ADAMTS13: variants seen among roughly 807,000 people sequenced by gnomAD.
The protein encoded by ADAMTS13 is A disintegrin and metalloproteinase with thrombospondin motifs 13.
In ADAMTS13, 110 loss-of-function variants were observed where a neutral mutation model predicts 155.1. The ratio of observed to expected loss-of-function variants is 0.71; its 90% confidence interval spans 0.61 to 0.83. The LOEUF is 0.83. ADAMTS13 is among the 40% of genes least tolerant of loss of function. The pLI is 0.00. For missense variants in ADAMTS13, 1,707 were observed against 1,891.7 expected (o/e 0.90, Z 1.81); for synonymous variants, 758 against 756.4 (o/e 1.00, Z -0.03).
chr9:133,437,702 C>T (rs989630514), intron 12 of ADAMTS13, 47 bp from the exon 13 acceptor site: 9 of 1,612,168 alleles, frequency 5.6e-6, no homozygotes, highest in Non-Finnish European at 7.6e-6. Context: ...GGGGGACTTG[C>T]CCCTCCTGCT....
At position 133,425,914 on chromosome 9, in the gene ADAMTS13, G is replaced by C; in HGVS notation, c.415-24G>C. 1.9e-6 allele frequency: 3 copies of C among 1,612,850 alleles called. No individual in the cohort carries two copies. The highest frequency in any genetic ancestry group is 2.5e-6 in the Non-Finnish European group (3 of 1,179,994). The stretch of plus-strand genomic sequence containing the variant: ...CGTGCCTGGTTGGGGTGTCCTAAAT[G>C]CAGGCTTTGCTGTGGGTCCGCAGGG... On this transcript the variant is annotated intron_variant, in intron 4 of 28. Coordinates refer to ENST00000355699, the MANE Select transcript of ADAMTS13 (RefSeq NM_139027.6). This position sits in a 1 kb window ranked among gnomAD's most constrained non-coding sequence, Gnocchi z 4.6.
In ADAMTS13 at chr9:133,442,551, G is replaced by T. The variant is rs781964102; in HGVS notation, c.2104+17G>T. 9.9e-6 allele frequency: 16 copies of T among 1,613,356 alleles called. No homozygotes were observed. The highest frequency in any genetic ancestry group is 1.3e-5 in the African/African-American group (1 of 74,934). ...GTGGGGCAGGTGAGACCTGGGGAAG[G>T]CTCATCCACAGCACGGCTTGCCCCT... is the stretch of plus-strand genomic sequence containing the variant. On this transcript the variant is annotated intron_variant, in intron 17 of 28. Transcript: ENST00000355699.
rs782659481 is a variant in ADAMTS13 at position 133,444,971 on chromosome 9, T to A, written c.2529T>A (p.Thr843=). The A allele has an allele frequency of 1.2e-6, 2 of 1,613,518 alleles. No homozygotes were observed. The highest frequency in any genetic ancestry group is 1.7e-6 in the Non-Finnish European group (2 of 1,180,026). ...CAGATGGCCTGGAGGCTCCAGTGACTGAGGGGCCTGGCTCCGTAGATGAGA... is the reference window on the plus strand; with the variant it reads ...CAGATGGCCTGGAGGCTCCAGTGACAGAGGGGCCTGGCTCCGTAGATGAGA... ...PGADGLEAPV[T]EGPGSVDEKL... The change falls in exon 20 of 29, where the codon ACT becomes ACA. Residue 843 remains threonine, a synonymous_variant. Transcript: ENST00000355699.
Position 133,445,730 on chromosome 9 carries a change from C to T in ADAMTS13, c.2642C>T (p.Pro881Leu). 6.2e-7 allele frequency: 1 copy of T among 1,612,686 alleles called. No individual in the cohort carries two copies. Among genetic ancestry groups the T allele is most frequent in the East Asian group, 2.2e-5 (1 of 44,846 alleles). The change falls in exon 21 of 29, where the codon CCC (proline) becomes CTC (leucine). Residue 881 changes from proline to leucine, a missense_variant. Around this residue, in one of 3 missense-constraint regions of ADAMTS13, gnomAD observed 961 missense variants for 1,107.9 expected, o/e 0.87. Coordinates refer to ENST00000355699, the MANE Select transcript of ADAMTS13 (RefSeq NM_139027.6). The surrounding 1 kb of genome is among the most constrained non-coding windows in gnomAD (Gnocchi z 5.0). ...GCCACCTCTGCAGGGGAGAAGGCTC[C>T]CTCCCCATGGGGCAGCATCAGGACG... The part of the protein sequence containing the change: ...LDATSAGEKA[P>L]SPWGSIRTGA...
chr9:133,424,678 C>T lies in ADAMTS13; in HGVS notation c.330+200C>T, dbSNP rs1032611252. On this transcript the variant is annotated intron_variant, in intron 3 of 28. Transcript: ENST00000355699. The surrounding 1 kb of genome is among the most constrained non-coding windows in gnomAD (Gnocchi z 4.3). ...CTCTCTAGGCTCCATGGCACATGCA[C>T]ACCCTGCAGCCTCTCACTACTCAAG... Among the ~76,000 whole-genome samples, 2 of 152,088 alleles carry T rather than the reference C, an allele frequency of 1.3e-5. No individual in the cohort carries two copies. The highest frequency in any genetic ancestry group is 2.4e-5 in the African/African-American group (1 of 41,354).
rs903607789 is a variant in ADAMTS13, at chr9:133,455,119, A to T, written c.3250-166A>T. 3.9e-5 allele frequency among the ~76,000 whole-genome samples: 6 copies of T among 152,250 alleles called. No homozygotes were observed. The East Asian group carries it at 1.2e-3, about 29-fold the overall frequency. ...TCCTCCCACCTATATGACCCATGCA[A>T]GGTGCCCTCTCTGAGCCTCAGTTTT... On this transcript the variant is annotated intron_variant, in intron 24 of 28. Coordinates refer to ENST00000355699, the MANE Select transcript of ADAMTS13 (RefSeq NM_139027.6).
upstream of ADAMTS13, among the ~76,000 whole-genome samples, chr9:133,417,306 C>A (rs1250232613): frequency 7.9e-5 from 12 of 152,210 alleles, no homozygotes; most frequent in Admixed American, 7.9e-4. Context: ...CGTGAGGCCC[C>A]GCGCCCGGCC....
chr9:133,417,012 T>C (rs1554781720), upstream of ADAMTS13, among the ~76,000 whole-genome samples: 1 of 152,206 alleles, frequency 6.6e-6, no homozygotes, highest in Non-Finnish European at 1.5e-5. Flanking sequence ...CAGTGTGTTC[T>C]TTCGTTGTTG....
intron 1 of ADAMTS13, among the ~76,000 whole-genome samples, chr9:133,416,369 T>C (rs1355754914): frequency 6.6e-6 from 1 of 152,148 alleles, no homozygotes; most frequent in Admixed American, 6.5e-5. Flanking sequence ...ATTTCTTTTT[T>C]AAAAAAACTA....
chr9:133,452,449 T>A (rs138442332), intron 23 of ADAMTS13, among the ~76,000 whole-genome samples: 1 of 152,238 alleles, frequency 6.6e-6, no homozygotes, highest in Non-Finnish European at 1.5e-5. Flanking sequence ...ATTTAACATC[T>A]GTGTCACTAG....
intron 23 of ADAMTS13, among the ~76,000 whole-genome samples, chr9:133,452,492 C>T (rs771870293): frequency 4.6e-5 from 7 of 152,098 alleles, no homozygotes; most frequent in African/African-American, 9.7e-5. Flanking sequence ...TGCTAAAGTC[C>T]CTTGGCTGTG....
At chr9:133,432,982 G>A (rs1197092373) in intron 9 of ADAMTS13, among the ~76,000 whole-genome samples, 4 of 97,394 alleles carry the variant, frequency 4.1e-5, no homozygotes, top group Admixed American at 1.8e-4. Flanking sequence ...GGGGTGTCTC[G>A]GGGGGGATCC....
At chr9:133,432,829 C>G in intron 9 of ADAMTS13, 137 bp downstream of exon 9, 1 of 877,158 alleles carries the variant, frequency 1.1e-6, no homozygotes, top group Non-Finnish European at 1.8e-6. Context: ...TGGGGACTGT[C>G]CTTTGGGTTG....
At chr9:133,447,336 G>A (rs1842135239) in intron 21 of ADAMTS13, among the ~76,000 whole-genome samples, 1 of 151,690 alleles carries the variant, frequency 6.6e-6, no homozygotes, top group African/African-American at 2.4e-5. Context: ...TCTGTCACCA[G>A]GTTGGAGTGT....
chr9:133,431,899 C>G (rs1840795985), intron 8 of ADAMTS13, among the ~76,000 whole-genome samples: 1 of 152,236 alleles, frequency 6.6e-6, no homozygotes, highest in African/African-American at 2.4e-5. Flanking sequence ...CGTGATTTGC[C>G]CGCCTCGGCC....
chr9:133,426,501 A>T lies in ADAMTS13; in HGVS notation c.686+156A>T, dbSNP rs28757785. On this transcript the variant is annotated intron_variant, in intron 6 of 28. Transcript: ENST00000355699. ...CAGACTCAGGTGTGAGGACAGGGGA[A>T]CCTGATACTGTTTGATTAAAAGAAC... Among the ~76,000 whole-genome samples, 39,143 of 152,188 alleles carry T rather than the reference A, an allele frequency of 0.26. 6,335 individuals carry two copies. Among genetic ancestry groups the T allele is most frequent in the South Asian group, 0.4 (1,917 of 4,826 alleles).
At chr9:133,423,791 G>A (rs1362662209) in intron 2 of ADAMTS13, among the ~76,000 whole-genome samples, 1 of 152,248 alleles carries the variant, frequency 6.6e-6, no homozygotes, top group Admixed American at 6.5e-5. Context: ...GGCCACGCTG[G>A]GGGCTGGATG....
chr9:133,416,387 C>A (rs1839602767), intron 1 of ADAMTS13, among the ~76,000 whole-genome samples: 1 of 152,132 alleles, frequency 6.6e-6, no homozygotes, highest in Non-Finnish European at 1.5e-5. Flanking sequence ...CTACTTTTTA[C>A]TTTTATTTAG....
At position 133,445,776 on chromosome 9, in the gene ADAMTS13, G is replaced by T; in HGVS notation, c.2688G>T (p.Val896=). Residue 896 remains valine (V), a synonymous_variant, in exon 21 of 29, where the codon GTG becomes GTT. Coordinates refer to ENST00000355699, the MANE Select transcript of ADAMTS13 (RefSeq NM_139027.6). This position sits in a 1 kb window ranked among gnomAD's most constrained non-coding sequence, Gnocchi z 5.0. ...SIRTGAQAAH[V]WTPAAGSCSV... ...GGACGGGGGCTCAAGCTGCACACGT[G>T]TGGACCCCTGCGGCAGGGTCGTGCT... The T allele has an allele frequency of 1.2e-6, 2 of 1,602,270 alleles. No homozygotes were observed. Among genetic ancestry groups the T allele is most frequent in the Non-Finnish European group, 1.7e-6 (2 of 1,171,394 alleles).
Sources: allele counts gnomAD v4.1 joint callset (sites outside exome capture counted in the v4.1 genomes callset), GRCh38; gene constraint gnomAD v4.1.1; regional missense constraint gnomAD v4.1.1; non-coding constraint Gnocchi (gnomAD v3.1); transcripts MANE v1.5; gene names NCBI Gene and HGNC (gene_info 2026-07-23, HGNC 2026-07-21).